ARHGAP15: variants seen among roughly 807,000 people sequenced by gnomAD.
ARHGAP15 encodes the protein Rho GTPase activating protein 15, also known as rho GTPase-activating protein 15.
ARHGAP15 carries 51 observed loss-of-function variants against 63.7 expected under a neutral mutation model. The observed-to-expected ratio is 0.80, with a 90% CI of 0.64 to 1.01. The LOEUF is 1.01. Ranked by LOEUF, ARHGAP15 falls within the 50% of genes least tolerant of loss-of-function variation. ARHGAP15 has a pLI of 0.00. For missense variants in ARHGAP15, 560 were observed against 564.6 expected (o/e 0.99, Z 0.08); for synonymous variants, 191 against 193.8 (o/e 0.99, Z 0.12).
rs1688836794 is a variant in ARHGAP15 at position 143,129,429 on chromosome 2, T to C, written c.-52T>C. 1 of 152,156 alleles carries C rather than the reference T, an allele frequency of 6.6e-6. No homozygotes were observed. The highest frequency in any genetic ancestry group is 1.5e-5 in the Non-Finnish European group (1 of 68,030). The allele number at this position is 152,156 out of a possible 1,614,324, so 9.4% of individuals were successfully genotyped here. On this transcript the variant is annotated 5_prime_UTR_variant, in exon 1 of 14. Transcript: ENST00000295095. ...GAAAGAGTCATTAACAGTTAGGAGT[T>C]GATGGCAGTTTCAATAACAGGTCAT... is the stretch of plus-strand genomic sequence containing the variant.
chr2:143,590,480 T>G (rs1056546990), intron 11 of ARHGAP15, among the ~76,000 whole-genome samples: 1 of 152,112 alleles, frequency 6.6e-6, no homozygotes, highest in African/African-American at 2.4e-5. Flanking sequence ...ATGAAAAGAT[T>G]TGGGACAACA....
chr2:143,611,658 C>A (rs1698258503), intron 11 of ARHGAP15, among the ~76,000 whole-genome samples: 1 of 152,134 alleles, frequency 6.6e-6, no homozygotes, highest in South Asian at 2.1e-4. Context: ...CTTTACCAAG[C>A]TCCATAGTCC....
intron 6 of ARHGAP15, among the ~76,000 whole-genome samples, chr2:143,427,464 G>A (rs1337315415): frequency 6.6e-6 from 1 of 151,856 alleles, no homozygotes; most frequent in Non-Finnish European, 1.5e-5. Flanking sequence ...ATTAACCTAA[G>A]TATTAGCTCT....
At chr2:143,699,733 C>T (rs1684001632) in intron 12 of ARHGAP15, among the ~76,000 whole-genome samples, 1 of 152,178 alleles carries the variant, frequency 6.6e-6, no homozygotes, top group Non-Finnish European at 1.5e-5. Flanking sequence ...AGTATGCTAA[C>T]TGCTGGGATT....
intron 4 of ARHGAP15, among the ~76,000 whole-genome samples, chr2:143,222,688 G>A (rs2105158390): frequency 6.6e-6 from 1 of 152,090 alleles, no homozygotes; most frequent in South Asian, 2.1e-4. Context: ...TTTTGGGGGT[G>A]TTTTGTTGTT....
chr2:143,757,340 T>C (rs1686614586), intron 13 of ARHGAP15, among the ~76,000 whole-genome samples: 1 of 151,926 alleles, frequency 6.6e-6, no homozygotes, highest in Admixed American at 6.6e-5. Context: ...GGAAACCCCG[T>C]CTCTACTAAA....
intron 6 of ARHGAP15, among the ~76,000 whole-genome samples, chr2:143,345,166 G>T (rs1685215737): frequency 6.6e-6 from 1 of 152,022 alleles, no homozygotes; most frequent in African/African-American, 2.4e-5. Context: ...TCATTTCCTA[G>T]TAATGTGATT....
chr2:143,211,251 CA>C (rs1170858383), intron 3 of ARHGAP15, among the ~76,000 whole-genome samples: 1 of 145,824 alleles, frequency 6.9e-6, no homozygotes, highest in Non-Finnish European at 1.5e-5. Context: ...AACCTAAAAA[CA>C]AAGGCAAAAT....
At chr2:143,201,306 A>G (rs1199969876) in intron 2 of ARHGAP15, among the ~76,000 whole-genome samples, 3 of 151,058 alleles carry the variant, frequency 2.0e-5, no homozygotes, top group Non-Finnish European at 4.4e-5. Flanking sequence ...TTTTTTTTGT[A>G]GAGTTGGAGT....
chr2:143,254,563 G>A (rs1680324130), intron 6 of ARHGAP15, among the ~76,000 whole-genome samples: 1 of 151,940 alleles, frequency 6.6e-6, no homozygotes, highest in African/African-American at 2.4e-5. Context: ...CTATCAAATA[G>A]ACAACTGATG....
intron 11 of ARHGAP15, among the ~76,000 whole-genome samples, chr2:143,557,833 A>C (rs1383869195): frequency 6.6e-6 from 1 of 152,134 alleles, no homozygotes; most frequent in Non-Finnish European, 1.5e-5. Flanking sequence ...TAGAAAATGA[A>C]AAACAAGAAG....
At chr2:143,182,367 G>GAACT (rs1453671008) in intron 2 of ARHGAP15, among the ~76,000 whole-genome samples, 3 of 152,058 alleles carry the variant, frequency 2.0e-5, no homozygotes, top group Admixed American at 1.3e-4. Flanking sequence ...AGAGACAGGG[G>GAACT]AACTGCCAGT....
At chr2:143,214,721 CATT>C (rs1231543336) in intron 3 of ARHGAP15, among the ~76,000 whole-genome samples, 2 of 152,132 alleles carry the variant, frequency 1.3e-5, no homozygotes, top group African/African-American at 4.8e-5. Flanking sequence ...TTATCTCTAT[CATT>C]ATTTATTTAG....
At chr2:143,412,750 G>A (rs983152628) in intron 6 of ARHGAP15, among the ~76,000 whole-genome samples, 1 of 151,908 alleles carries the variant, frequency 6.6e-6, no homozygotes, top group Non-Finnish European at 1.5e-5. Flanking sequence ...CAGCCATTAG[G>A]TTTAAATACA....
chr2:143,349,927 G>A (rs1685481732), intron 6 of ARHGAP15, among the ~76,000 whole-genome samples: 1 of 152,196 alleles, frequency 6.6e-6, no homozygotes, highest in South Asian at 2.1e-4. Context: ...TGTAGAAGAA[G>A]AATGGTTTGA....
At chr2:143,153,858 C>CTCCTCCTCCTCCTCCTCCTCT (rs1689964254) in intron 1 of ARHGAP15, among the ~76,000 whole-genome samples, 1 of 80,126 alleles carries the variant, frequency 1.2e-5, no homozygotes, top group Non-Finnish European at 2.9e-5. Context: ...CCTCCTCCTC[C>CTCCTCCTCCTCCTCCTCCTCT]TCCTCCTCCT....
intron 6 of ARHGAP15, among the ~76,000 whole-genome samples, chr2:143,384,387 A>G (rs1457806749): frequency 6.6e-6 from 1 of 152,066 alleles, no homozygotes; most frequent in Non-Finnish European, 1.5e-5. Flanking sequence ...TTTTTATTTC[A>G]TTTTTAGAAT....
chr2:143,565,423 C>G (rs902983502), intron 11 of ARHGAP15, among the ~76,000 whole-genome samples: 2 of 152,016 alleles, frequency 1.3e-5, no homozygotes, highest in African/African-American at 4.8e-5. Flanking sequence ...TGGCAAAGTG[C>G]CTGCCACTTT....
intron 8 of ARHGAP15, among the ~76,000 whole-genome samples, chr2:143,470,928 GTATA>G (rs897130087): frequency 1.4e-5 from 2 of 146,640 alleles, no homozygotes; most frequent in African/African-American, 4.9e-5. Context: ...GTGTATATGT[GTATA>G]TATGTGTGTA....
Sources: allele counts gnomAD v4.1 joint callset (sites outside exome capture counted in the v4.1 genomes callset), GRCh38; gene constraint gnomAD v4.1.1; transcripts MANE v1.5; gene names NCBI Gene and HGNC (gene_info 2026-07-23, HGNC 2026-07-21).